The following RPA3 variants were observed in gnomAD, a reference collection of about 807,000 sequenced individuals.
The protein encoded by RPA3 is replication protein A 14 kDa subunit.
A neutral mutation model predicts 13.7 loss-of-function variants in RPA3; 24 were observed. The ratio of observed to expected loss-of-function variants is 1.75; its 90% CI spans 1.27 to 2.46. The LOEUF (loss-of-function observed/expected upper bound fraction) is 2.46, where lower values mean the gene tolerates loss of function less well. Among genes scored for constraint, RPA3 ranks in the 30% most tolerant of loss-of-function variants. RPA3 has a pLI of 0.00. For synonymous variants in RPA3, 59 were observed against 51.2 expected, an observed-to-expected ratio of 1.15 and a Z score of -0.65; for missense variants, 183 against 151.0, an observed-to-expected ratio of 1.21 and a Z score of -1.11.
chr7:7,696,156 C>G (rs1197980058), intron 2 of RPA3, among the ~76,000 whole-genome samples: 1 of 151,766 alleles, frequency 6.6e-6, no homozygotes, highest in Non-Finnish European at 1.5e-5. Flanking sequence ...CAGGCATGCA[C>G]CACCATGCCC....
intron 4 of RPA3, among the ~76,000 whole-genome samples, chr7:7,665,317 C>A (rs557927944): frequency 6.6e-6 from 1 of 152,184 alleles, no homozygotes; most frequent in Non-Finnish European, 1.5e-5. Flanking sequence ...CCCTTTTATA[C>A]GCAGTCTGTG....
intron 4 of RPA3, among the ~76,000 whole-genome samples, chr7:7,677,326 C>G (rs1203775426): frequency 6.6e-6 from 1 of 152,060 alleles, no homozygotes; most frequent in Non-Finnish European, 1.5e-5. Flanking sequence ...TATTGTGCTA[C>G]CAAATACTAG....
At chr7:7,673,379 ACTT>A in intron 4 of RPA3, 1 of 1,227,866 alleles carries the variant, frequency 8.1e-7, no homozygotes, top group Non-Finnish European at 1.2e-6. Flanking sequence ...GCAATGTTTC[ACTT>A]CTTCAGAAAG....
chr7:7,686,277 C>T (rs1780039707), intron 3 of RPA3, among the ~76,000 whole-genome samples: 1 of 152,068 alleles, frequency 6.6e-6, no homozygotes, highest in Non-Finnish European at 1.5e-5. Context: ...GAGGGTGTAT[C>T]AGGGCCACTA....
At chr7:7,677,884 G>A (rs1013249550) in intron 4 of RPA3, among the ~76,000 whole-genome samples, 17 of 150,980 alleles carry the variant, frequency 1.1e-4, no homozygotes, top group African/African-American at 2.7e-4. Context: ...CGTTTTAGCC[G>A]GGATGGTCTC....
At chr7:7,682,328 G>A (rs1407253607) in intron 4 of RPA3, among the ~76,000 whole-genome samples, 1 of 151,752 alleles carries the variant, frequency 6.6e-6, no homozygotes, top group Non-Finnish European at 1.5e-5. Context: ...CAGTCTCAAT[G>A]ATCAGTCAGA....
chr7:7,652,924 G>C (rs958844323), intron 4 of RPA3, among the ~76,000 whole-genome samples: 15 of 152,172 alleles, frequency 9.9e-5, no homozygotes, highest in African/African-American at 3.6e-4. Context: ...ACATTAAAAT[G>C]AGCGAGCAAA....
At chr7:7,675,926 C>G (rs1042647925) in intron 4 of RPA3, among the ~76,000 whole-genome samples, 4 of 152,176 alleles carry the variant, frequency 2.6e-5, no homozygotes, top group African/African-American at 9.7e-5. Flanking sequence ...TCATTTCCCC[C>G]CAGGTGCAAA....
chr7:7,640,212 G>A (rs1784932946), intron 5 of RPA3, 108 bp downstream of exon 5: 11 of 1,176,890 alleles, frequency 9.3e-6, no homozygotes, highest in Middle Eastern at 2.3e-4. Context: ...AAAGGAGTCG[G>A]GGGCGCAGTG....
chr7:7,689,817 T>C (rs1780131225), intron 2 of RPA3, among the ~76,000 whole-genome samples: 1 of 152,284 alleles, frequency 6.6e-6, no homozygotes, highest in South Asian at 2.1e-4. Context: ...ATCAGAAATG[T>C]TGTGCATTTT....
intron 3 of RPA3, among the ~76,000 whole-genome samples, chr7:7,686,244 G>A (rs1294344065): frequency 6.6e-6 from 1 of 152,112 alleles, no homozygotes; most frequent in Non-Finnish European, 1.5e-5. Flanking sequence ...CATAGGCAGG[G>A]CCAGTATTCT....
chr7:7,646,290 T>C (rs1293935687), intron 4 of RPA3, among the ~76,000 whole-genome samples: 2 of 105,558 alleles, frequency 1.9e-5, no homozygotes, highest in African/African-American at 6.8e-5. Context: ...AGTGGGATGG[T>C]GATACGGTTT....
intron 2 of RPA3, among the ~76,000 whole-genome samples, chr7:7,712,709 T>C (rs1780797457): frequency 6.6e-6 from 1 of 152,220 alleles, no homozygotes; most frequent in South Asian, 2.1e-4. Context: ...TCTAGTATGT[T>C]GAAGAGAAGT....
chr7:7,709,081 G>C (rs778084494), intron 2 of RPA3, among the ~76,000 whole-genome samples: 3 of 152,102 alleles, frequency 2.0e-5, no homozygotes, highest in Non-Finnish European at 2.9e-5. Flanking sequence ...ACATCTTTCA[G>C]TGTCTTGCAT....
At chr7:7,714,853 C>CTTTTTTTT (rs1029148023) in intron 2 of RPA3, among the ~76,000 whole-genome samples, 4 of 111,162 alleles carry the variant, frequency 3.6e-5, no homozygotes, top group Admixed American at 9.0e-5. Flanking sequence ...AAAAATTTTT[C>CTTTTTTTT]TTTTTTTTTT....
intron 4 of RPA3, among the ~76,000 whole-genome samples, chr7:7,643,189 A>G (rs1785014376): frequency 6.6e-6 from 1 of 152,134 alleles, no homozygotes. Context: ...TCAAAATGTT[A>G]ATTGAATGTA....
At chr7:7,638,334 ATT>A (rs1315794481) in intron 6 of RPA3, 2 of 155,546 alleles carry the variant, frequency 1.3e-5, no homozygotes, top group African/African-American at 4.8e-5. Flanking sequence ...CAGCATATGG[ATT>A]TGTCTTCACA....
At chr7:7,667,852 A>G (rs17169379) in intron 4 of RPA3, among the ~76,000 whole-genome samples, 88,459 of 152,028 alleles carry the variant, frequency 0.58, 25,998 homozygotes, top group East Asian at 0.8. Context: ...GTGCCAATAG[A>G]ATTTGGTTTA....
chr7:7,700,097 A>C (rs1310840601), intron 2 of RPA3, among the ~76,000 whole-genome samples: 1 of 152,172 alleles, frequency 6.6e-6, no homozygotes, highest in Non-Finnish European at 1.5e-5. Context: ...AAAGTGTCAT[A>C]GATTGGTGGC....
Sources: gnomAD v4.1 joint callset for allele counts (sites outside exome capture counted in the v4.1 genomes callset) on GRCh38, gnomAD v4.1.1 for gene constraint, MANE v1.5 for transcripts, NCBI Gene and HGNC (gene_info 2026-07-23, HGNC 2026-07-21) for gene names.